Variants in ZFHX3 observed in about 807,000 individuals in gnomAD.
ZFHX3 encodes zinc finger homeobox protein 3.
ZFHX3 carries 42 observed loss-of-function variants against 279.1 expected under a neutral mutation model. The ratio of observed to expected loss-of-function variants is 0.15; its 90% CI spans 0.12 to 0.19. The LOEUF is 0.19. Ranked by LOEUF, ZFHX3 falls within the 10% of genes least tolerant of loss-of-function variation. The pLI, the probability that ZFHX3 is intolerant of heterozygous loss-of-function variation, is 1.00. For synonymous variants in ZFHX3, 2,293 were observed against 1,957.8 expected (o/e 1.17, Z -4.52); for missense variants, 4,981 against 4,754.0 (o/e 1.05, Z -1.40).
intron 3 of ZFHX3, among the ~76,000 whole-genome samples, chr16:73,332,439 C>T (rs771504482): frequency 6.6e-6 from 1 of 152,200 alleles, no homozygotes; most frequent in Admixed American, 6.5e-5. Context: ...ACTAGCTGCA[C>T]ATGTTTCTGA....
chr16:73,666,999 A>G (rs1024516819), intron 2 of ZFHX3, among the ~76,000 whole-genome samples: 1 of 151,698 alleles, frequency 6.6e-6, no homozygotes, highest in Non-Finnish European at 1.5e-5. Context: ...TTATTTATTT[A>G]TTTGTTTTTG....
intron 1 of ZFHX3, among the ~76,000 whole-genome samples, chr16:73,836,202 C>T (rs1263140285): frequency 1.3e-5 from 2 of 152,176 alleles, no homozygotes; most frequent in Admixed American, 1.3e-4. Context: ...CTCCACTGCT[C>T]CCATTCCACA....
At chr16:73,389,434 C>T (rs1567468918) in intron 3 of ZFHX3, among the ~76,000 whole-genome samples, 1 of 152,186 alleles carries the variant, frequency 6.6e-6, no homozygotes, top group South Asian at 2.1e-4. Flanking sequence ...TAAAAATTGT[C>T]AAAAGGTCTT....
In ZFHX3 at chr16:72,956,947, C is replaced by T. The variant is rs138597440; in HGVS notation, c.2719+480G>A. Among the ~76,000 whole-genome samples, 733 of 152,162 alleles carry T rather than the reference C, an allele frequency of 4.8e-3. 6 individuals carry two copies. The highest frequency in any genetic ancestry group is 7.3e-3 in the Non-Finnish European group (496 of 68,014). On this transcript the variant is annotated intron_variant, in intron 2 of 9. Coordinates refer to ENST00000268489, the MANE Select transcript of ZFHX3 (RefSeq NM_006885.4). Reference sequence around the variant, plus strand: ...AATCAGCCTTTAGTTATCTGAATAACGTACACTGTGGTTCCGAATTCCTAT... The same window carrying T: ...AATCAGCCTTTAGTTATCTGAATAATGTACACTGTGGTTCCGAATTCCTAT...
chr16:73,348,487 AG>A (rs1305269434), intron 3 of ZFHX3, among the ~76,000 whole-genome samples: 1 of 152,062 alleles, frequency 6.6e-6, no homozygotes, highest in Non-Finnish European at 1.5e-5. Flanking sequence ...TCATCTTTAA[AG>A]TTTCACTCTC....
At chr16:73,383,376 G>A (rs1325280650) in intron 3 of ZFHX3, among the ~76,000 whole-genome samples, 2 of 152,294 alleles carry the variant, frequency 1.3e-5, no homozygotes, top group East Asian at 1.9e-4. Flanking sequence ...GCTGTAGAGC[G>A]GCACTGGGCC....
intron 2 of ZFHX3, chr16:73,487,305 G>A: frequency 3.1e-6 from 1 of 326,550 alleles, no homozygotes. Context: ...TGGCGCTGTA[G>A]GGTGCAGTTA....
At chr16:73,060,741 G>A (rs1410834019), upstream of ZFHX3, 1 of 152,104 alleles carries the variant, frequency 6.6e-6, no homozygotes, top group Non-Finnish European at 1.5e-5. Flanking sequence ...GGCATTATTA[G>A]TAAACCCTGT....
At chr16:73,736,937 G>A (rs1417789593) in intron 1 of ZFHX3, among the ~76,000 whole-genome samples, 2 of 152,250 alleles carry the variant, frequency 1.3e-5, no homozygotes, top group Admixed American at 6.5e-5. Flanking sequence ...GATTCCCAAA[G>A]CACAGAGGAT....
intron 2 of ZFHX3, among the ~76,000 whole-genome samples, chr16:73,561,313 T>C (rs1327965544): frequency 6.6e-6 from 1 of 152,236 alleles, no homozygotes; most frequent in Non-Finnish European, 1.5e-5. Flanking sequence ...GCATGAAATA[T>C]CTGCATTTAT....
At chr16:73,050,454 G>C (rs1965429266), upstream of ZFHX3, among the ~76,000 whole-genome samples, 1 of 152,204 alleles carries the variant, frequency 6.6e-6, no homozygotes, top group African/African-American at 2.4e-5. Context: ...AATTTAACAG[G>C]TAATCCACAG....
chr16:73,490,836 C>T (rs1484517984), intron 2 of ZFHX3, among the ~76,000 whole-genome samples: 2 of 152,122 alleles, frequency 1.3e-5, no homozygotes, highest in African/African-American at 4.8e-5. Flanking sequence ...GACCCTGTCT[C>T]TCAAAATATA....
intron 1 of ZFHX3, among the ~76,000 whole-genome samples, chr16:72,996,967 G>T (rs1963319235): frequency 6.6e-6 from 1 of 152,182 alleles, no homozygotes; most frequent in Non-Finnish European, 1.5e-5. Flanking sequence ...GAGTAAGGCT[G>T]GACATTCAGT....
intron 1 of ZFHX3, among the ~76,000 whole-genome samples, chr16:73,012,730 G>C (rs571414193): frequency 6.6e-6 from 1 of 152,100 alleles, no homozygotes; most frequent in African/African-American, 2.4e-5. Context: ...ATCCTGGCAC[G>C]AATGATATAA....
chr16:73,508,064 T>C (rs1597362986), intron 2 of ZFHX3, among the ~76,000 whole-genome samples: 1 of 152,278 alleles, frequency 6.6e-6, no homozygotes, highest in East Asian at 1.9e-4. Flanking sequence ...TGCTCATTGA[T>C]CCTATTAGCA....
chr16:73,753,697 T>C (rs1437923412), intron 1 of ZFHX3, among the ~76,000 whole-genome samples: 2 of 152,134 alleles, frequency 1.3e-5, no homozygotes, highest in Non-Finnish European at 2.9e-5. Flanking sequence ...AAACCCCCAC[T>C]GCCACTGGGC....
At chr16:73,670,039 G>C (rs1443815544) in intron 2 of ZFHX3, among the ~76,000 whole-genome samples, 1 of 152,124 alleles carries the variant, frequency 6.6e-6, no homozygotes, top group Non-Finnish European at 1.5e-5. Flanking sequence ...AGCGACACCA[G>C]GAAGGATAAA....
Position 72,950,637 on chromosome 16 carries a change from G to T in ZFHX3, c.3048C>A (p.Ala1016=). ...DKHVQKYQLV[A]HIKEGGKANE... is the part of the protein sequence containing the mutation. ...TGGCCTTGCCGCCCTCCTTGATGTG[G>T]GCCACCAGCTGGTACTTCTGCACGT... is the stretch of plus-strand genomic sequence containing the variant. The change falls in exon 3 of 10, where the codon GCC becomes GCA. Residue 1016 remains alanine (A), a synonymous_variant. Coordinates refer to ENST00000268489, the MANE Select transcript of ZFHX3 (RefSeq NM_006885.4). 6.2e-7 allele frequency: 1 copy of T among 1,614,198 alleles called. No individual in the cohort carries two copies. The highest frequency in any genetic ancestry group is 8.5e-7 in the Non-Finnish European group (1 of 1,180,042).
chr16:73,264,616 G>A (rs184400435), intron 4 of ZFHX3, among the ~76,000 whole-genome samples: 5 of 151,724 alleles, frequency 3.3e-5, no homozygotes, highest in Admixed American at 6.6e-5. Context: ...TTTGGGGAAC[G>A]GGTGGTATTT....
Sources: allele counts gnomAD v4.1 joint callset (sites outside exome capture counted in the v4.1 genomes callset), GRCh38; gene constraint gnomAD v4.1.1; transcripts MANE v1.5; gene names NCBI Gene and HGNC (gene_info 2026-07-23, HGNC 2026-07-21).